Variants in ACTR3B observed in about 807,000 individuals in gnomAD.
ACTR3B encodes actin-related protein 3B.
A neutral mutation model predicts 59.0 loss-of-function variants in ACTR3B; 8 were observed. The observed-to-expected ratio is 0.14, with a 90% CI of 0.08 to 0.24. The LOEUF is 0.24. Among genes scored for constraint, ACTR3B ranks in the 10% least tolerant of loss-of-function variants. ACTR3B has a pLI of 1.00. For missense variants in ACTR3B, 245 were observed against 552.3 expected (o/e 0.44, Z 5.58); for synonymous variants, 148 against 197.9 (o/e 0.75, Z 2.12).
intron 9 of ACTR3B, among the ~76,000 whole-genome samples, chr7:152,844,811 T>C (rs2530959): frequency 0.29 from 36,986 of 125,856 alleles, 5,677 homozygotes; most frequent in East Asian, 0.49. Flanking sequence ...CTGTTCAGTT[T>C]GGGTATCACT....
intron 1 of ACTR3B, among the ~76,000 whole-genome samples, chr7:152,768,038 T>A (rs1434086170): frequency 1.3e-5 from 2 of 152,188 alleles, no homozygotes; most frequent in African/African-American, 4.8e-5. Flanking sequence ...TTGGCCAACA[T>A]GGCAAAACCC....
rs765550333 is a variant in ACTR3B at position 152,823,512 on chromosome 7, G to A, written c.855G>A (p.Pro285=). 1.2e-5 allele frequency: 20 copies of A among 1,613,896 alleles called. No homozygotes were observed. The highest frequency in any genetic ancestry group is 1.7e-5 in the Non-Finnish European group (20 of 1,179,962). ...TGGGACCTGAAATATTCTTTCACCC[G>A]GAGGTGAGATGTTTCCTTTTTTGTG... The part of the protein sequence containing the change: ...RFLGPEIFFH[P]EFANPDFMES... Residue 285 remains proline, a synonymous_variant, in exon 8 of 12, where the codon CCG becomes CCA. Coordinates refer to ENST00000256001, the MANE Select transcript of ACTR3B (RefSeq NM_020445.6).
chr7:152,782,310 A>G (rs978186874), intron 1 of ACTR3B, among the ~76,000 whole-genome samples: 3 of 151,222 alleles, frequency 2.0e-5, no homozygotes, highest in East Asian at 3.9e-4. Context: ...ACTGTTAATT[A>G]GAGTAGTCCT....
At chr7:152,792,052 C>T (rs1012242377) in intron 2 of ACTR3B, among the ~76,000 whole-genome samples, 6 of 151,964 alleles carry the variant, frequency 3.9e-5, no homozygotes, top group East Asian at 1.9e-4. Context: ...CCACCACGCC[C>T]GGCTAATTTT....
chr7:152,779,317 T>G (rs2098144451), intron 1 of ACTR3B, among the ~76,000 whole-genome samples: 1 of 152,114 alleles, frequency 6.6e-6, no homozygotes, highest in African/African-American at 2.4e-5. Context: ...CAGCCACATG[T>G]GGCTTATTCT....
intron 9 of ACTR3B, among the ~76,000 whole-genome samples, chr7:152,835,649 T>A (rs1350354509): frequency 2.6e-5 from 4 of 152,184 alleles, no homozygotes; most frequent in African/African-American, 9.7e-5. Context: ...AAACACATTA[T>A]GGGTGAAGTG....
chr7:152,832,244 G>A (rs1315168021), intron 9 of ACTR3B, among the ~76,000 whole-genome samples: 2 of 152,100 alleles, frequency 1.3e-5, no homozygotes, highest in East Asian at 1.9e-4. Context: ...ATACAGGAGC[G>A]GGGCACCCTT....
chr7:152,821,014 CA>C (rs1270243602), intron 7 of ACTR3B, among the ~76,000 whole-genome samples: 3 of 152,138 alleles, frequency 2.0e-5, no homozygotes, highest in Non-Finnish European at 4.4e-5. Context: ...AAGGAAGCAC[CA>C]GAGATGATTC....
At chr7:152,775,215 A>AT (rs2098133597) in intron 1 of ACTR3B, among the ~76,000 whole-genome samples, 1 of 149,990 alleles carries the variant, frequency 6.7e-6, no homozygotes, top group Non-Finnish European at 1.5e-5. Flanking sequence ...AAAAAAAAAA[A>AT]AGATGTAAAA....
rs2098083448 is a variant in ACTR3B, at chr7:152,759,856, C to A, written c.-27C>A. 7.1e-6 allele frequency: 9 copies of A among 1,264,706 alleles called. No individual in the cohort carries two copies. The Admixed American group carries it at 2.2e-4, about 31-fold the overall frequency. The allele number at this position is 1,264,706 out of a possible 1,614,324, so 78.3% of individuals were successfully genotyped here. A position where few individuals can be genotyped will look rare whatever the true frequency, so the allele number is the denominator to read the frequency against. On this transcript the variant is annotated 5_prime_UTR_variant, in exon 1 of 12. Transcript: ENST00000256001. ...CGACGGGGCGCTCTCGGGCTGCCGG[C>A]GGGGCCGAGCGCCGCGCGTCCCGAG...
intron 2 of ACTR3B, among the ~76,000 whole-genome samples, chr7:152,799,707 A>G (rs190480348): frequency 6.6e-6 from 1 of 152,316 alleles, no homozygotes; most frequent in East Asian, 1.9e-4. Context: ...GCAGGTTGTC[A>G]AGGAAGCCTT....
At chr7:152,771,609 T>C (rs980976609) in intron 1 of ACTR3B, among the ~76,000 whole-genome samples, 1 of 152,238 alleles carries the variant, frequency 6.6e-6, no homozygotes, top group Non-Finnish European at 1.5e-5. Context: ...TCAGAGCTGG[T>C]GTTCCTGCTG....
chr7:152,846,460 C>CG (rs1291108666), intron 9 of ACTR3B, among the ~76,000 whole-genome samples: 5 of 129,540 alleles, frequency 3.9e-5, no homozygotes, highest in South Asian at 2.7e-4. Flanking sequence ...CTCTAGTGCC[C>CG]GGGCTGTAGT....
intron 1 of ACTR3B, among the ~76,000 whole-genome samples, chr7:152,774,976 G>T (rs1217429582): frequency 6.6e-6 from 1 of 151,948 alleles, no homozygotes; most frequent in African/African-American, 2.4e-5. Flanking sequence ...GAAGTTTGGG[G>T]TTTGAGACTG....
intron 1 of ACTR3B, among the ~76,000 whole-genome samples, chr7:152,767,984 G>A (rs1048998806): frequency 5.3e-5 from 8 of 152,210 alleles, no homozygotes; most frequent in African/African-American, 1.7e-4. Context: ...ACTTTGCGAG[G>A]CCGAAGCAGG....
At position 152,764,278 on chromosome 7, in the gene ACTR3B, A is replaced by T. The variant is rs570696758; in HGVS notation, c.44+4352A>T. On this transcript the variant is annotated intron_variant, in intron 1 of 11. Transcript: ENST00000256001. ...CACCTCTGCCTCCCAAGGTGTTGGG[A>T]TTACAGGAGTGAGGCACTGCACCTG... 3.3e-5 allele frequency among the ~76,000 whole-genome samples: 5 copies of T among 152,248 alleles called. No individual in the cohort carries two copies. In the East Asian group the frequency reaches 9.7e-4, roughly 30 times the overall value.
rs150243366 is a variant in ACTR3B at position 152,816,558 on chromosome 7, C to T, written c.510C>T (p.Ser170=). 171 of 1,599,078 alleles carry T rather than the reference C, an allele frequency of 1.1e-4. No individual in the cohort carries two copies. Among genetic ancestry groups the T allele is most frequent in the Middle Eastern group, 1.6e-4 (1 of 6,064 alleles). ...CGTTAACGGGGATAGTCATTGACAG[C>T]GGAGATGGAGTCACCCATGTTATCC... ...ERTLTGIVID[S]GDGVTHVIPV... The change falls in exon 6 of 12, where the codon AGC becomes AGT. Residue 170 remains serine, a synonymous_variant. Coordinates refer to ENST00000256001, the MANE Select transcript of ACTR3B (RefSeq NM_020445.6).
Position 152,852,115 on chromosome 7 carries a change from G to C in ACTR3B, c.952-11G>C. The C allele has an allele frequency of 6.2e-7, 1 of 1,614,022 alleles. No homozygotes were observed. Among genetic ancestry groups the C allele is most frequent in the Non-Finnish European group, 8.5e-7 (1 of 1,179,962 alleles). On this transcript the variant is annotated splice_polypyrimidine_tract_variant and intron_variant, in intron 9 of 11. Coordinates refer to ENST00000256001, the MANE Select transcript of ACTR3B (RefSeq NM_020445.6). ...TTTTACCCAGGGCTCCCTCTGCTTTGTGTCTTGTAGAATGTCGTACTCTCA... is the reference window on the plus strand; with the variant it reads ...TTTTACCCAGGGCTCCCTCTGCTTTCTGTCTTGTAGAATGTCGTACTCTCA...
chr7:152,798,071 C>T (rs1223102688), intron 2 of ACTR3B, among the ~76,000 whole-genome samples: 4 of 151,984 alleles, frequency 2.6e-5, no homozygotes, highest in Non-Finnish European at 4.4e-5. Flanking sequence ...ATTGTTGGAT[C>T]GTATGGTAGT....
Sources: allele counts gnomAD v4.1 joint callset (sites outside exome capture counted in the v4.1 genomes callset), GRCh38; gene constraint gnomAD v4.1.1; transcripts MANE v1.5; gene names NCBI Gene and HGNC (gene_info 2026-07-23, HGNC 2026-07-21).